The following ZFYVE26 variants were observed in gnomAD, a reference collection of about 807,000 sequenced individuals.
ZFYVE26 encodes zinc finger FYVE domain-containing protein 26.
ZFYVE26 carries 181 observed loss-of-function variants against 276.5 expected under a neutral mutation model. The observed-to-expected ratio is 0.65, with a 90% CI of 0.58 to 0.74. ZFYVE26 has a LOEUF of 0.74. Ranked by LOEUF, ZFYVE26 falls within the 30% of genes least tolerant of loss-of-function variation. The probability of loss-of-function intolerance (pLI) is 0.00; values close to 1 mark genes in which losing one functional copy is unlikely to be tolerated. For missense variants in ZFYVE26, 2,821 were observed against 3,097.9 expected, an observed-to-expected ratio of 0.91 and a Z score of 2.12; for synonymous variants, 1,129 against 1,203.1, an observed-to-expected ratio of 0.94 and a Z score of 1.27.
chr14:67,804,755 GT>G (rs2040142802), intron 8 of ZFYVE26, among the ~76,000 whole-genome samples: 1 of 152,238 alleles, frequency 6.6e-6, no homozygotes, highest in South Asian at 2.1e-4. Flanking sequence ...GAATAAAAGT[GT>G]GATCCAGGAT....
chr14:67,757,323 CA>C (rs1221006634), intron 35 of ZFYVE26, among the ~76,000 whole-genome samples: 2 of 152,244 alleles, frequency 1.3e-5, no homozygotes, highest in Non-Finnish European at 2.9e-5. Context: ...ACAATGTCCA[CA>C]AGGTCCTGTG....
chr14:67,785,113 TGAA>T lies in ZFYVE26; in HGVS notation c.3466_3468del (p.Phe1156del), dbSNP rs1555397452. 6.2e-7 allele frequency: 1 copy of T among 1,614,240 alleles called. No homozygotes were observed. Among genetic ancestry groups the T allele is most frequent in the Non-Finnish European group, 8.5e-7 (1 of 1,180,040 alleles). ...ACTGCAGCAAGGGTGCTGCAGTAAC[TGAA>T]GAAGGTGCCCAAGTAGTCCATCTGC... On this transcript the variant is annotated inframe_deletion, in exon 19 of 42. Coordinates refer to ENST00000347230, the MANE Select transcript of ZFYVE26 (RefSeq NM_015346.4).
intron 13 of ZFYVE26, among the ~76,000 whole-genome samples, chr14:67,738,375 A>G (rs1254047277): frequency 6.7e-6 from 1 of 148,466 alleles, no homozygotes; most frequent in Non-Finnish European, 1.5e-5. Context: ...TTATAAATAT[A>G]TACTTATAAA....
At chr14:67,752,766 T>C (rs1053654428) in intron 39 of ZFYVE26, among the ~76,000 whole-genome samples, 1 of 152,218 alleles carries the variant, frequency 6.6e-6, no homozygotes. Context: ...TACATTTCAC[T>C]TGCTGCGGTG....
At chr14:67,784,076 T>G (rs2039584381) in intron 20 of ZFYVE26, among the ~76,000 whole-genome samples, 1 of 152,234 alleles carries the variant, frequency 6.6e-6, no homozygotes. Flanking sequence ...TGTTATTGAA[T>G]TTTTAGATTT....
At chr14:67,737,158 G>A (rs2038362571) in intron 13 of ZFYVE26, among the ~76,000 whole-genome samples, 1 of 149,796 alleles carries the variant, frequency 6.7e-6, no homozygotes, top group African/African-American at 2.5e-5. Flanking sequence ...TGAATTCCTG[G>A]GCTCAAGCAA....
chr14:67,797,996 G>T lies in ZFYVE26; in HGVS notation c.2248+18C>A. 1 of 1,613,930 alleles carries T rather than the reference G, an allele frequency of 6.2e-7. No homozygotes were observed. The highest frequency in any genetic ancestry group is 8.5e-7 in the Non-Finnish European group (1 of 1,180,034). ...CCCTCTCCACCTTCTGGTCCCACCA[G>T]TTCCACCCTTCTCTCACCTGAACGA... On this transcript the variant is annotated intron_variant, in intron 11 of 41. Coordinates refer to ENST00000347230, the MANE Select transcript of ZFYVE26 (RefSeq NM_015346.4).
At chr14:67,768,887 T>G (rs964307144) in intron 29 of ZFYVE26, among the ~76,000 whole-genome samples, 1 of 152,172 alleles carries the variant, frequency 6.6e-6, no homozygotes, top group Non-Finnish European at 1.5e-5. Flanking sequence ...AACACAATAA[T>G]GCTATGGAGG....
chr14:67,792,151 G>T (rs1248155577), intron 14 of ZFYVE26, among the ~76,000 whole-genome samples: 10 of 151,660 alleles, frequency 6.6e-5, no homozygotes, highest in Non-Finnish European at 1.0e-4. Flanking sequence ...TAAAGTATAA[G>T]ATCTAAAATG....
rs769329153 is a variant in ZFYVE26 at position 67,809,291 on chromosome 14, T to C, written c.274-2A>G. The C allele has an allele frequency of 8.7e-6, 14 of 1,609,064 alleles. No homozygotes were observed. The East Asian group carries it at 2.9e-4, about 33-fold the overall frequency. ...CCGGAAAACAACTGGGAGTAACTTC[T>C]AGAAGAATCAAAAGAATGAAGCATA... On this transcript the variant is annotated splice_acceptor_variant, in intron 3 of 41. Transcript: ENST00000347230. LOFTEE classifies it high-confidence loss of function.
chr14:67,792,682 C>T (rs1002333968), intron 14 of ZFYVE26, among the ~76,000 whole-genome samples: 35 of 151,922 alleles, frequency 2.3e-4, no homozygotes, highest in East Asian at 9.7e-4. Context: ...GATGCCGAGG[C>T]GGGTGGATCT....
chr14:67,769,325 G>C (rs569006222), intron 29 of ZFYVE26, among the ~76,000 whole-genome samples: 32 of 152,276 alleles, frequency 2.1e-4, no homozygotes, highest in South Asian at 8.3e-4. Flanking sequence ...CCTCTGTCTG[G>C]GGAAGGGCTA....
intron 3 of ZFYVE26, among the ~76,000 whole-genome samples, chr14:67,811,338 C>T (rs996401366): frequency 8.5e-5 from 13 of 152,286 alleles, no homozygotes; most frequent in African/African-American, 3.1e-4. Context: ...CTCAGCATTT[C>T]TAAGCAAGGA....
intron 37 of ZFYVE26, among the ~76,000 whole-genome samples, chr14:67,754,732 A>T (rs2038734533): frequency 6.6e-6 from 1 of 152,222 alleles, no homozygotes; most frequent in African/African-American, 2.4e-5. Flanking sequence ...ATCGATGCTT[A>T]GCAAGAAGAG....
In ZFYVE26 at chr14:67,747,326, C is replaced by T. The variant is rs575186880; in HGVS notation, c.*1110G>A. On this transcript the variant is annotated 3_prime_UTR_variant, in exon 42 of 42. Transcript: ENST00000347230. ...TCTGTCCAGAGGCCCAATTCCAAAG[C>T]CAACCCTTGACTCCCTTTTCTAAGA... is the stretch of plus-strand genomic sequence containing the variant. The T allele has an allele frequency of 7.9e-5, 12 of 152,380 alleles. No individual in the cohort carries two copies. Among genetic ancestry groups the T allele is most frequent in the African/African-American group, 2.6e-4 (11 of 41,560 alleles). The allele number at this position is 152,380 out of a possible 1,614,324, so 9.4% of individuals were successfully genotyped here. A position where few individuals can be genotyped will look rare whatever the true frequency, so the allele number is the denominator to read the frequency against.
chr14:67,766,626 G>A (rs1307622937), intron 31 of ZFYVE26, among the ~76,000 whole-genome samples, 179 bp from the exon 32 acceptor site: 1 of 152,202 alleles, frequency 6.6e-6, no homozygotes, highest in Non-Finnish European at 1.5e-5. Flanking sequence ...GATGTTCTAA[G>A]TAGCACTGCC....
Position 67,756,144 on chromosome 14 carries a change from T to C in ZFYVE26, c.6590A>G (p.Glu2197Gly), listed in dbSNP as rs1260582468. Reference protein sequence around the residue: ...REALLHLLNKESPPEVFIEGI... With the variant: ...REALLHLLNKGSPPEVFIEGI... ...TTCTATAAAAACTTCTGGAGGACTC[T>C]CCTGGAGCAGGGCAGGGCGAGAAGT... Residue 2197 changes from glutamate to glycine, a missense_variant and splice_region_variant, in exon 36 of 42, where the codon GAG becomes GGG. By Grantham distance (98) the Glu-to-Gly change is moderately conservative. Transcript: ENST00000347230. 1 of 1,613,942 alleles carries C rather than the reference T, an allele frequency of 6.2e-7. No individual in the cohort carries two copies. The highest frequency in any genetic ancestry group is 8.5e-7 in the Non-Finnish European group (1 of 1,179,924).
At chr14:67,783,672 AT>A in intron 20 of ZFYVE26, 147 bp from the exon 21 acceptor site, 1 of 1,022,712 alleles carries the variant, frequency 9.8e-7, no homozygotes, top group South Asian at 1.4e-5. Context: ...AAAGTAGCCT[AT>A]TAGACATATC....
Position 67,776,074 on chromosome 14 carries a change from G to T in ZFYVE26, c.5007C>A (p.Ala1669=). 2 of 1,614,210 alleles carry T rather than the reference G, an allele frequency of 1.2e-6. No homozygotes were observed. Among genetic ancestry groups the T allele is most frequent in the African/African-American group, 1.3e-5 (1 of 75,064 alleles). ...ILLTLPEQHR[A]SYSHLSSNPL... The stretch of plus-strand genomic sequence containing the variant: ...GGTTAGAGGACAAGTGGGAATAGCT[G>T]GCCCGGTGCTGCTCAGGCAGGGTCA... The change falls in exon 26 of 42, where the codon GCC becomes GCA. Residue 1669 remains alanine, a synonymous_variant. Transcript: ENST00000347230.
Sources: gnomAD v4.1 joint callset for allele counts (sites outside exome capture counted in the v4.1 genomes callset) on GRCh38, gnomAD v4.1.1 for gene constraint, MANE v1.5 for transcripts, NCBI Gene and HGNC (gene_info 2026-07-23, HGNC 2026-07-21) for gene names.